HMCN1: variants seen among roughly 807,000 people sequenced by gnomAD.
HMCN1 encodes the protein hemicentin 1, also known as hemicentin-1.
A neutral mutation model predicts 625.9 loss-of-function variants in HMCN1; 321 were observed. That is an observed-to-expected ratio of 0.51 (90% CI 0.47 to 0.56). The LOEUF is 0.56. Ranked by LOEUF, HMCN1 falls within the 20% of genes least tolerant of loss-of-function variation. HMCN1 has a pLI of 0.00. For missense variants in HMCN1, 6,588 were observed against 6,887.3 expected (o/e 0.96, Z 1.54); for synonymous variants, 2,425 against 2,417.6 (o/e 1.00, Z -0.09).
At position 186,069,759 on chromosome 1, in the gene HMCN1, A is replaced by G. The variant is rs1395827304; in HGVS notation, c.7976A>G (p.Tyr2659Cys). ...GAGGCTGGAGAAATGATAAAGCACT[A>G]TGAAGTGAAGGTGTACAGTAAGTTC... ...TNEAGEMIKHYEVKVYIPPII... is the reference protein window; with the variant it reads ...TNEAGEMIKHCEVKVYIPPII... Residue 2659 changes from tyrosine to cysteine, a missense_variant, in exon 51 of 107, where the codon TAT becomes TGT. Tyr to Cys is a radical substitution (Grantham distance 194). Transcript: ENST00000271588. 1.2e-6 allele frequency: 2 copies of G among 1,611,330 alleles called. No individual in the cohort carries two copies. Among genetic ancestry groups the G allele is most frequent in the Non-Finnish European group, 1.7e-6 (2 of 1,177,912 alleles).
rs553881045 is a variant in HMCN1 at position 186,151,180 on chromosome 1, GT to G, written c.14609-11del. 2,872 of 1,592,128 alleles carry G rather than the reference GT, an allele frequency of 1.8e-3. 5 individuals carry two copies. Among genetic ancestry groups the G allele is most frequent in the Non-Finnish European group, 2.2e-3 (2,508 of 1,163,048 alleles). Reference sequence around the variant, plus strand: ...TGAAATTGCATCCTTATCCAGGAATGTTTTTTTTTCCCCCAATAGGTGGGCC... The same window carrying G: ...TGAAATTGCATCCTTATCCAGGAATGTTTTTTTTCCCCCAATAGGTGGGCC... On this transcript the variant is annotated intron_variant, in intron 93 of 106. Transcript: ENST00000271588.
In HMCN1 at chr1:186,073,949, C is replaced by T. The variant is rs184322248; in HGVS notation, c.8140-792C>T. Among the ~76,000 whole-genome samples, 5 of 151,630 alleles carry T rather than the reference C, an allele frequency of 3.3e-5. No individual in the cohort carries two copies. The East Asian group carries it at 9.7e-4, about 29-fold the overall frequency. On this transcript the variant is annotated intron_variant, in intron 52 of 106. Transcript: ENST00000271588. The stretch of plus-strand genomic sequence containing the variant: ...TTAGTGGGTGAGAAAGGGTGAGGGA[C>T]AAGAAAATTAAAAGAAGGAGATCAA...
chr1:185,819,009 C>A (rs190413698), intron 1 of HMCN1, among the ~76,000 whole-genome samples: 1 of 151,310 alleles, frequency 6.6e-6, no homozygotes, highest in Non-Finnish European at 1.5e-5. Flanking sequence ...GAGGCTGAGG[C>A]GGGCGGATCA....
intron 97 of HMCN1, among the ~76,000 whole-genome samples, chr1:186,161,380 C>T (rs1651467712): frequency 6.6e-6 from 1 of 152,026 alleles, no homozygotes; most frequent in Admixed American, 6.5e-5. Context: ...ATCCAATTTG[C>T]CAGTCTGTGT....
In HMCN1 at chr1:186,088,186, G is replaced by C; in HGVS notation, c.9487G>C (p.Glu3163Gln). The part of the protein sequence containing the change: ...IEGPEREVIV[E>Q]TISNPVTLTC... The stretch of plus-strand genomic sequence containing the variant: ...AGGACCTGAAAGAGAAGTGATTGTG[G>C]AGACGATCAGCAATCCTGTGACATT... Residue 3163 changes from glutamate to glutamine, a missense_variant, in exon 62 of 107, where the codon GAG (glutamate) becomes CAG (glutamine). Glu to Gln is a conservative substitution (Grantham distance 29, BLOSUM62 2). Coordinates refer to ENST00000271588, the MANE Select transcript of HMCN1 (RefSeq NM_031935.3). The C allele has an allele frequency of 6.2e-7, 1 of 1,612,180 alleles. No homozygotes were observed. Among genetic ancestry groups the C allele is most frequent in the Non-Finnish European group, 8.5e-7 (1 of 1,178,988 alleles).
At chr1:185,803,071 T>C (rs16824504) in intron 1 of HMCN1, among the ~76,000 whole-genome samples, 2,686 of 151,706 alleles carry the variant, frequency 0.018, 79 homozygotes, top group African/African-American at 0.062. Context: ...TTTGCACAAA[T>C]CTATGCATAG....
In HMCN1 at chr1:185,990,301, C is replaced by A. The variant is rs768343794; in HGVS notation, c.3235C>A (p.Arg1079=). 6.2e-7 allele frequency: 1 copy of A among 1,613,946 alleles called. No homozygotes were observed. Among genetic ancestry groups the A allele is most frequent in the East Asian group, 2.2e-5 (1 of 44,878 alleles). ...YVRPRVFGDQ[R]GLSQDKPVEI... is the part of the protein sequence containing the mutation. ...AAGGCCCAGAGTGTTTGGAGATCAA[C>A]GAGGACTGTCCCAGGATAAGCCTGT... Residue 1079 remains arginine, a synonymous_variant, in exon 22 of 107, where the codon CGA becomes AGA. Coordinates refer to ENST00000271588, the MANE Select transcript of HMCN1 (RefSeq NM_031935.3).
chr1:185,970,804 G>A (rs1351708714), intron 15 of HMCN1, among the ~76,000 whole-genome samples: 12 of 151,978 alleles, frequency 7.9e-5, no homozygotes, highest in East Asian at 5.8e-4. Flanking sequence ...GATTGCAGGC[G>A]CCTGCCACCA....
intron 71 of HMCN1, among the ~76,000 whole-genome samples, chr1:186,111,338 T>C (rs550266440): frequency 7.9e-5 from 12 of 152,034 alleles, no homozygotes; most frequent in Non-Finnish European, 1.6e-4. Flanking sequence ...CTGATATTCA[T>C]GGAAGAAAAA....
intron 1 of HMCN1, among the ~76,000 whole-genome samples, chr1:185,807,585 C>A (rs1659251195): frequency 6.6e-6 from 1 of 152,144 alleles, no homozygotes; most frequent in Non-Finnish European, 1.5e-5. Context: ...AAGGCTAGTT[C>A]TGGCCAAAAG....
At chr1:186,027,479 T>C (rs1655136395) in intron 36 of HMCN1, among the ~76,000 whole-genome samples, 2 of 152,194 alleles carry the variant, frequency 1.3e-5, no homozygotes, top group Non-Finnish European at 2.9e-5. Flanking sequence ...AAGTAAAATA[T>C]TGTGGCTTCA....
intron 11 of HMCN1, among the ~76,000 whole-genome samples, chr1:185,950,549 G>A (rs917966536): frequency 4.6e-5 from 7 of 151,702 alleles, no homozygotes; most frequent in African/African-American, 7.3e-5. Context: ...GAGATCAGTC[G>A]GACACAATTG....
At chr1:185,864,337 A>G (rs371731362) in intron 2 of HMCN1, 133 bp from the exon 3 acceptor site, 1 of 809,346 alleles carries the variant, frequency 1.2e-6, no homozygotes, top group African/African-American at 1.7e-5. Flanking sequence ...CCCTTCTTGA[A>G]CAAAGTGTCA....
Position 186,007,234 on chromosome 1 carries a change from T to C in HMCN1, c.4582T>C (p.Ser1528Pro), listed in dbSNP as rs1400031681. 1 of 1,613,696 alleles carries C rather than the reference T, an allele frequency of 6.2e-7. No individual in the cohort carries two copies. The highest frequency in any genetic ancestry group is 1.7e-5 in the Admixed American group (1 of 59,992). ...NDKGRYQCTV[S>P]NAAGKQAKDI... ...CAAGGGGCGCTACCAATGTACTGTG[T>C]CTAATGCAGCTGGCAAACAAGCCAA... The change falls in exon 30 of 107, where the codon TCT becomes CCT. Residue 1528 changes from serine to proline, a missense_variant. This residue lies in a region of HMCN1 where 4,628 missense variants were observed against 4,853.1 expected (regional missense o/e 0.95). Transcript: ENST00000271588.
At chr1:186,174,791 T>A in intron 103 of HMCN1, 149 bp downstream of exon 103, 1 of 735,638 alleles carries the variant, frequency 1.4e-6, no homozygotes. Flanking sequence ...TCAACACAAT[T>A]TGGATACTTC....
rs74135345 is a variant in HMCN1 at position 185,803,675 on chromosome 1, C to T, written c.269-42351C>T. Among the ~76,000 whole-genome samples, 1,422 of 152,212 alleles carry T rather than the reference C, an allele frequency of 9.3e-3. 21 individuals carry two copies. Among genetic ancestry groups the T allele is most frequent in the African/African-American group, 0.031 (1,281 of 41,556 alleles). On this transcript the variant is annotated intron_variant, in intron 1 of 106. Transcript: ENST00000271588. ...GGAAGTGAGATTAGGTAGAATTCTA[C>T]TTGTTCTCAAATTTCCTTATACTTC...
chr1:185,880,626 A>T (rs1246348807), intron 4 of HMCN1, among the ~76,000 whole-genome samples: 1 of 152,192 alleles, frequency 6.6e-6, no homozygotes, highest in Non-Finnish European at 1.5e-5. Context: ...TAAACTCCAC[A>T]AGAGAAAGAC....
chr1:186,151,815 C>G (rs925231804), intron 95 of HMCN1, 72 bp downstream of exon 95: 8 of 1,439,082 alleles, frequency 5.6e-6, no homozygotes, highest in Non-Finnish European at 5.8e-6. Context: ...AAGAAAAATA[C>G]GTGTTCCCAC....
At chr1:185,930,146 G>A (rs1016433843) in intron 10 of HMCN1, among the ~76,000 whole-genome samples, 1 of 152,158 alleles carries the variant, frequency 6.6e-6, no homozygotes, top group Non-Finnish European at 1.5e-5. Flanking sequence ...TCTGTGATCT[G>A]TGCCAGCCAG....
Sources: gnomAD v4.1 joint callset for allele counts (sites outside exome capture counted in the v4.1 genomes callset) on GRCh38, gnomAD v4.1.1 for gene constraint, gnomAD v4.1.1 regional missense constraint, MANE v1.5 for transcripts, NCBI Gene and HGNC (gene_info 2026-07-23, HGNC 2026-07-21) for gene names.